Variants in SNTG1 observed in about 807,000 individuals in gnomAD.
SNTG1 encodes syntrophin gamma 1.
SNTG1 carries 39 observed loss-of-function variants against 74.7 expected under a neutral mutation model. The ratio of observed to expected loss-of-function variants is 0.52; its 90% CI spans 0.40 to 0.68. The LOEUF (loss-of-function observed/expected upper bound fraction) is 0.68. SNTG1 is among the 30% of genes least tolerant of loss of function. SNTG1 has a pLI of 0.00. For synonymous variants in SNTG1, 254 were observed against 217.1 expected (o/e 1.17, Z -1.49); for missense variants, 685 against 609.5 (o/e 1.12, Z -1.30).
At chr8:50,013,570 TA>T (rs1816030706) in intron 1 of SNTG1, among the ~76,000 whole-genome samples, 1 of 151,978 alleles carries the variant, frequency 6.6e-6, no homozygotes, top group South Asian at 2.1e-4. Flanking sequence ...TCTGTGACAG[TA>T]ACTATCTGGA....
At chr8:50,727,482 A>C (rs1359888471) in intron 17 of SNTG1, among the ~76,000 whole-genome samples, 1 of 152,156 alleles carries the variant, frequency 6.6e-6, no homozygotes, top group African/African-American at 2.4e-5. Context: ...ACTGCAGTGC[A>C]CATCTCCCAT....
chr8:50,530,128 A>C, intron 9 of SNTG1, 49 bp from the exon 10 acceptor site: 1 of 1,470,450 alleles, frequency 6.8e-7, no homozygotes, highest in South Asian at 1.1e-5. Context: ...TCAGTTTAGA[A>C]GGTTATGGCA....
At chr8:50,157,058 C>T (rs2082276457) in intron 1 of SNTG1, among the ~76,000 whole-genome samples, 1 of 151,972 alleles carries the variant, frequency 6.6e-6, no homozygotes, top group Admixed American at 6.6e-5. Flanking sequence ...TATATTTATG[C>T]AATGATTGCT....
chr8:50,251,184 A>G (rs2086631093), intron 2 of SNTG1, among the ~76,000 whole-genome samples: 1 of 152,066 alleles, frequency 6.6e-6, no homozygotes, highest in African/African-American at 2.4e-5. Context: ...TTTCATGTTA[A>G]CCTTATGGTA....
At chr8:50,354,697 C>G (rs1350494645) in intron 2 of SNTG1, among the ~76,000 whole-genome samples, 3 of 152,052 alleles carry the variant, frequency 2.0e-5, no homozygotes, top group Non-Finnish European at 4.4e-5. Context: ...AAGCACAGCT[C>G]AGGTGGGTCT....
intron 2 of SNTG1, among the ~76,000 whole-genome samples, chr8:50,337,641 C>T (rs1361099159): frequency 6.6e-6 from 1 of 152,098 alleles, no homozygotes; most frequent in Non-Finnish European, 1.5e-5. Context: ...TCCTGTCTCA[C>T]CTATGGGAGA....
intron 1 of SNTG1, among the ~76,000 whole-genome samples, chr8:49,984,761 G>A (rs1427917210): frequency 6.6e-6 from 1 of 152,078 alleles, no homozygotes; most frequent in Non-Finnish European, 1.5e-5. Context: ...AGTACAGCAT[G>A]CTAAGTATAG....
chr8:50,078,879 A>G (rs1038307224), intron 1 of SNTG1, among the ~76,000 whole-genome samples: 4 of 152,322 alleles, frequency 2.6e-5, no homozygotes, highest in Admixed American at 2.6e-4. Flanking sequence ...ATGTCCCTGC[A>G]AAGGACATGA....
At chr8:50,158,246 T>C (rs1425951550) in intron 1 of SNTG1, among the ~76,000 whole-genome samples, 1 of 152,194 alleles carries the variant, frequency 6.6e-6, no homozygotes, top group Non-Finnish European at 1.5e-5. Flanking sequence ...GCTGGAATTT[T>C]AGAAAATTCT....
intron 2 of SNTG1, among the ~76,000 whole-genome samples, chr8:50,360,888 C>CATTA (rs2091937899): frequency 6.6e-6 from 1 of 152,092 alleles, no homozygotes; most frequent in African/African-American, 2.4e-5. Context: ...AGGCCTAGGA[C>CATTA]ATTACTATAC....
At chr8:50,684,912 A>G (rs2095346239) in intron 15 of SNTG1, among the ~76,000 whole-genome samples, 1 of 101,826 alleles carries the variant, frequency 9.8e-6, no homozygotes, top group Admixed American at 1.4e-4. Context: ...CACAGTCCCC[A>G]GAGTGTGATA....
At chr8:50,326,389 T>C (rs1221386365) in intron 2 of SNTG1, among the ~76,000 whole-genome samples, 2 of 152,048 alleles carry the variant, frequency 1.3e-5, no homozygotes, top group Non-Finnish European at 2.9e-5. Flanking sequence ...CTATTCAGAA[T>C]GACTGTTTCT....
intron 13 of SNTG1, among the ~76,000 whole-genome samples, chr8:50,627,173 A>T (rs1304905448): frequency 4.6e-5 from 7 of 152,110 alleles, no homozygotes; most frequent in Non-Finnish European, 1.5e-5. Context: ...TCATCTTTGT[A>T]TTTTAAACTT....
intron 15 of SNTG1, among the ~76,000 whole-genome samples, chr8:50,672,238 T>C (rs2095287604): frequency 1.3e-5 from 2 of 152,254 alleles, no homozygotes; most frequent in African/African-American, 2.4e-5. Context: ...TTTCTGATGC[T>C]AGATCCTTGA....
chr8:50,625,601 A>T (rs2094951221), intron 13 of SNTG1, among the ~76,000 whole-genome samples: 1 of 152,212 alleles, frequency 6.6e-6, no homozygotes, highest in Non-Finnish European at 1.5e-5. Context: ...TGAATCATAG[A>T]TTATCATAGA....
At chr8:50,134,823 C>A (rs10504096) in intron 1 of SNTG1, among the ~76,000 whole-genome samples, 2 of 151,910 alleles carry the variant, frequency 1.3e-5, no homozygotes, top group African/African-American at 4.8e-5. Flanking sequence ...TCACTTTGAA[C>A]AGGAGACTAG....
chr8:50,290,739 T>C (rs1157244638), intron 2 of SNTG1, among the ~76,000 whole-genome samples: 1 of 152,154 alleles, frequency 6.6e-6, no homozygotes, highest in African/African-American at 2.4e-5. Context: ...TTTTAAATTT[T>C]TTGGGATTTA....
At chr8:50,629,696 T>C (rs2094982839) in intron 13 of SNTG1, among the ~76,000 whole-genome samples, 1 of 152,180 alleles carries the variant, frequency 6.6e-6, no homozygotes, top group Non-Finnish European at 1.5e-5. Context: ...TCTCCTCTTG[T>C]TACACCTCTG....
intron 12 of SNTG1, among the ~76,000 whole-genome samples, chr8:50,587,921 C>A (rs1364370761): frequency 2.6e-5 from 4 of 151,628 alleles, no homozygotes; most frequent in Non-Finnish European, 4.4e-5. Context: ...ACCATTCTGG[C>A]CAACATGGTG....
Sources: allele counts gnomAD v4.1 joint callset (sites outside exome capture counted in the v4.1 genomes callset), GRCh38; gene constraint gnomAD v4.1.1; transcripts MANE v1.5; gene names NCBI Gene and HGNC (gene_info 2026-07-23, HGNC 2026-07-21).